The following SMAD6 variants were observed in gnomAD, a reference collection of about 807,000 sequenced individuals.
SMAD6 encodes the protein SMAD family member 6.
Under a neutral mutation model 39.4 loss-of-function variants are expected in SMAD6, and 103 were observed. The observed-to-expected ratio is 2.62, with a 90% CI of 2.23 to 3.08. SMAD6 has a LOEUF of 3.08. Ranked by LOEUF, SMAD6 falls within the 30% of genes most tolerant of loss-of-function variation. SMAD6 has a pLI of 0.00. For missense variants in SMAD6, 1,104 were observed against 742.9 expected (o/e 1.49, Z -5.65); for synonymous variants, 445 against 353.3 (o/e 1.26, Z -2.91).
chr15:66,704,117 C>A, intron 1 of SMAD6, 42 bp downstream of exon 1: 1 of 1,341,030 alleles, frequency 7.5e-7, no homozygotes, highest in Non-Finnish European at 9.7e-7. Flanking sequence ...GGGTCCCCGT[C>A]CCCATCCCCT....
At chr15:66,706,097 G>A (rs570071714) in intron 1 of SMAD6, 1 of 152,518 alleles carries the variant, frequency 6.6e-6, no homozygotes, top group African/African-American at 2.4e-5. Context: ...CATTTGGTAG[G>A]TTTGGAGAGG....
chr15:66,775,677 G>GC (rs1291295837), intron 3 of SMAD6, among the ~76,000 whole-genome samples: 1 of 152,212 alleles, frequency 6.6e-6, no homozygotes, highest in Non-Finnish European at 1.5e-5. Flanking sequence ...CAGGCCCTGA[G>GC]CAGGGGGTAG....
chr15:66,773,184 G>T (rs889697150), intron 3 of SMAD6, among the ~76,000 whole-genome samples: 1 of 146,086 alleles, frequency 6.8e-6, no homozygotes, highest in Non-Finnish European at 1.5e-5. Flanking sequence ...GCTTCCTCTA[G>T]GAGCCAAAGG....
At position 66,717,456 on chromosome 15, in the gene SMAD6, G is replaced by T. The variant is rs759574124; in HGVS notation, c.952+958G>T. 2.6e-5 allele frequency: 12 copies of T among 455,688 alleles called. No homozygotes were observed. In the Middle Eastern group the frequency reaches 9.7e-4, roughly 37 times the overall value. The allele number at this position is 455,688 out of a possible 1,614,324, so 28.2% of individuals were successfully genotyped here. On this transcript the variant is annotated intron_variant, in intron 3 of 3. Transcript: ENST00000288840. Reference sequence around the variant, plus strand: ...ACAGCCATGGGCTGTTTGTCTCCAGGGTTTGTGCTCTTCATCACTGTTTTG... The same window carrying T: ...ACAGCCATGGGCTGTTTGTCTCCAGTGTTTGTGCTCTTCATCACTGTTTTG...
chr15:66,718,162 G>A (rs776449982), intron 3 of SMAD6, among the ~76,000 whole-genome samples: 2 of 146,114 alleles, frequency 1.4e-5, no homozygotes, highest in Non-Finnish European at 3.0e-5. Context: ...CTGTGCATGT[G>A]CATACCTTAC....
At chr15:66,765,946 C>T (rs1372459023) in intron 3 of SMAD6, among the ~76,000 whole-genome samples, 4 of 152,162 alleles carry the variant, frequency 2.6e-5, no homozygotes, top group Non-Finnish European at 5.9e-5. Flanking sequence ...ATGCAACCTG[C>T]GCCTCCCAGA....
intron 3 of SMAD6, chr15:66,717,498 A>C (rs1893353152): frequency 2.2e-6 from 1 of 449,944 alleles, no homozygotes; most frequent in Admixed American, 2.4e-5. Flanking sequence ...ACTTTTCTGC[A>C]AGGGCCAAAT....
intron 3 of SMAD6, among the ~76,000 whole-genome samples, chr15:66,719,322 G>T (rs1209480422): frequency 6.6e-6 from 1 of 152,220 alleles, no homozygotes; most frequent in Non-Finnish European, 1.5e-5. Flanking sequence ...GAGCCTGGTG[G>T]GCACCTGTCC....
At chr15:66,780,144 A>T (rs1212178970) in intron 3 of SMAD6, among the ~76,000 whole-genome samples, 1 of 152,168 alleles carries the variant, frequency 6.6e-6, no homozygotes, top group Non-Finnish European at 1.5e-5. Context: ...GCCCTTAAGG[A>T]GCCATTTTCT....
intron 3 of SMAD6, among the ~76,000 whole-genome samples, chr15:66,764,219 G>A (rs1016178224): frequency 6.6e-6 from 1 of 152,196 alleles, no homozygotes; most frequent in African/African-American, 2.4e-5. Context: ...TAATTGGTAT[G>A]CCAGTTGTTT....
At chr15:66,704,133 G>T in intron 1 of SMAD6, 58 bp downstream of exon 1, 1 of 1,283,628 alleles carries the variant, frequency 7.8e-7, no homozygotes, top group South Asian at 1.8e-5. Flanking sequence ...CCCCTTCCGT[G>T]CCCTTCTCTC....
At chr15:66,773,258 A>G (rs1368155207) in intron 3 of SMAD6, among the ~76,000 whole-genome samples, 1 of 152,174 alleles carries the variant, frequency 6.6e-6, no homozygotes, top group Non-Finnish European at 1.5e-5. Context: ...AACTCCTGTC[A>G]GCTGGGCCCA....
Position 66,703,969 on chromosome 15 carries a change from C to T in SMAD6, c.711C>T (p.His237=), listed in dbSNP as rs144415105. The T allele has an allele frequency of 8.3e-3, 11,974 of 1,448,960 alleles. 228 individuals carry two copies. In the East Asian group the frequency reaches 0.098, roughly 12 times the overall value. 89.8% of individuals were successfully genotyped at this position (1,448,960 alleles called of 1,614,324 possible). ...TCTTTCGCTGGCCCGACCTGCAGCA[C>T]GCCGTGGAGCTGAAGCCCCTGTGCG... ...GRLFRWPDLQ[H]AVELKPLCGC... Residue 237 remains histidine, a synonymous_variant, in exon 1 of 4, where the codon CAC becomes CAT. Coordinates refer to ENST00000288840, the MANE Select transcript of SMAD6 (RefSeq NM_005585.5).
chr15:66,719,963 A>G (rs1337145975), intron 3 of SMAD6, among the ~76,000 whole-genome samples: 1 of 152,166 alleles, frequency 6.6e-6, no homozygotes, highest in Non-Finnish European at 1.5e-5. Flanking sequence ...AGATCTGGAG[A>G]CCTTACACCT....
In SMAD6 at chr15:66,782,215, G is replaced by C. The variant is rs1161277236; in HGVS notation, c.*680G>C. On this transcript the variant is annotated 3_prime_UTR_variant, in exon 4 of 4. Coordinates refer to ENST00000288840, the MANE Select transcript of SMAD6 (RefSeq NM_005585.5). ...TGGCTATGGGGTGTCCAGTGGATAG[G>C]GATGGCGGTGGGGAAAAGAATACAC... 4.8e-6 allele frequency: 1 copy of C among 210,008 alleles called. No homozygotes were observed. Among genetic ancestry groups the C allele is most frequent in the African/African-American group, 5.4e-5 (1 of 18,466 alleles). 13.0% of individuals were successfully genotyped at this position (210,008 alleles called of 1,614,324 possible).
chr15:66,745,067 G>A (rs1238174051), intron 3 of SMAD6, among the ~76,000 whole-genome samples: 1 of 152,090 alleles, frequency 6.6e-6, no homozygotes, highest in African/African-American at 2.4e-5. Context: ...GAGGGTGGCT[G>A]CTTTCCAGCC....
At position 66,781,551 on chromosome 15, in the gene SMAD6, G is replaced by A. The variant is rs773098596; in HGVS notation, c.*16G>A. 4.1e-6 allele frequency: 6 copies of A among 1,468,892 alleles called. No homozygotes were observed. The Admixed American group carries it at 7.1e-5, about 17-fold the overall frequency. The allele number at this position is 1,468,892 out of a possible 1,614,324, so 91.0% of individuals were successfully genotyped here. A position where few individuals can be genotyped will look rare whatever the true frequency, so the allele number is the denominator to read the frequency against. On this transcript the variant is annotated 3_prime_UTR_variant, in exon 4 of 4. Coordinates refer to ENST00000288840, the MANE Select transcript of SMAD6 (RefSeq NM_005585.5). ...CCCCAGATAGTGGCGGCCCCGGCGG[G>A]AGGGGCGGGTGGGAGGCCGCGGCCA...
chr15:66,717,991 C>T (rs1161290615), intron 3 of SMAD6, among the ~76,000 whole-genome samples: 1 of 152,122 alleles, frequency 6.6e-6, no homozygotes, highest in African/African-American at 2.4e-5. Flanking sequence ...AAAAGTATTT[C>T]TGAATTTGCG....
At chr15:66,746,897 C>A (rs761343686) in intron 3 of SMAD6, among the ~76,000 whole-genome samples, 3 of 152,140 alleles carry the variant, frequency 2.0e-5, no homozygotes, top group Non-Finnish European at 4.4e-5. Context: ...TCAGAGTTGA[C>A]CATGGGGGAA....
Sources: allele counts gnomAD v4.1 joint callset (sites outside exome capture counted in the v4.1 genomes callset), GRCh38; gene constraint gnomAD v4.1.1; transcripts MANE v1.5; gene names NCBI Gene and HGNC (gene_info 2026-07-23, HGNC 2026-07-21).